The following NLGN1 variants were observed in gnomAD, a reference collection of about 807,000 sequenced individuals.
NLGN1 encodes the protein neuroligin 1.
In NLGN1, 12 loss-of-function variants were observed where a neutral mutation model predicts 65.5. The ratio of observed to expected loss-of-function variants is 0.18; its 90% CI spans 0.12 to 0.30. NLGN1 has a LOEUF of 0.30. NLGN1 is among the 10% of genes least tolerant of loss of function. The pLI is 1.00. For synonymous variants in NLGN1, 350 were observed against 359.5 expected, an observed-to-expected ratio of 0.97 and a Z score of 0.30; for missense variants, 750 against 1,007.1, an observed-to-expected ratio of 0.74 and a Z score of 3.46.
At chr3:174,093,525 C>A (rs1044159286) in intron 4 of NLGN1, among the ~76,000 whole-genome samples, 2 of 152,140 alleles carry the variant, frequency 1.3e-5, no homozygotes, top group African/African-American at 4.8e-5. Context: ...CTCTCTGAAG[C>A]AAACTGATTA....
chr3:174,202,372 T>C (rs969127630), intron 4 of NLGN1, among the ~76,000 whole-genome samples: 2 of 152,082 alleles, frequency 1.3e-5, no homozygotes, highest in African/African-American at 4.8e-5. Flanking sequence ...TGGCACACAA[T>C]GGCCTTTCTG....
chr3:173,829,026 G>A (rs1481187666), intron 4 of NLGN1, among the ~76,000 whole-genome samples: 3 of 152,028 alleles, frequency 2.0e-5, no homozygotes, highest in Non-Finnish European at 4.4e-5. Context: ...TTTCTGTATT[G>A]AGAACAGTTT....
intron 4 of NLGN1, among the ~76,000 whole-genome samples, chr3:173,944,126 TGTGTGTGTGTGTG>T (rs1746711132): frequency 8.0e-6 from 1 of 124,476 alleles, no homozygotes; most frequent in African/African-American, 2.6e-5. Flanking sequence ...ATATTATGGG[TGTGTGTGTGTGTG>T]TGTGTGTGTG....
intron 4 of NLGN1, among the ~76,000 whole-genome samples, chr3:174,027,199 A>G (rs184818022): frequency 5.3e-5 from 8 of 152,282 alleles, no homozygotes; most frequent in Non-Finnish European, 5.9e-5. Context: ...GAATTCCTAA[A>G]AATGTTCTTT....
intron 2 of NLGN1, among the ~76,000 whole-genome samples, chr3:173,519,563 GCTTT>G (rs2149129532): frequency 6.6e-6 from 1 of 152,346 alleles, no homozygotes; most frequent in South Asian, 2.1e-4. Flanking sequence ...TTATTTTGGA[GCTTT>G]CTATTTAATA....
chr3:173,614,605 T>C (rs571488067), intron 3 of NLGN1, among the ~76,000 whole-genome samples: 1 of 152,176 alleles, frequency 6.6e-6, no homozygotes, highest in East Asian at 1.9e-4. Flanking sequence ...CACAGTAATT[T>C]ACAAGGAGGC....
intron 1 of NLGN1, among the ~76,000 whole-genome samples, chr3:173,409,104 A>C (rs1273547682): frequency 6.6e-6 from 1 of 152,034 alleles, no homozygotes; most frequent in Non-Finnish European, 1.5e-5. Context: ...GAAAAACAAG[A>C]GTATGGGTGG....
intron 4 of NLGN1, among the ~76,000 whole-genome samples, chr3:174,099,597 A>G (rs752788120): frequency 1.3e-5 from 2 of 152,210 alleles, no homozygotes; most frequent in Non-Finnish European, 2.9e-5. Context: ...CTGAGTAAAC[A>G]CTTATAGAAA....
intron 2 of NLGN1, among the ~76,000 whole-genome samples, chr3:173,573,175 T>G (rs558441198): frequency 6.6e-6 from 1 of 152,354 alleles, no homozygotes; most frequent in South Asian, 2.1e-4. Context: ...TAAACTTGGA[T>G]GTAATCTCAG....
chr3:174,202,484 A>G (rs1199610562), intron 4 of NLGN1, among the ~76,000 whole-genome samples: 1 of 152,068 alleles, frequency 6.6e-6, no homozygotes. Context: ...CCTGAAAAAT[A>G]GTTTTGAAAC....
chr3:174,018,853 G>A (rs1187252743), intron 4 of NLGN1, among the ~76,000 whole-genome samples: 3 of 151,958 alleles, frequency 2.0e-5, no homozygotes, highest in Non-Finnish European at 4.4e-5. Flanking sequence ...TGTGAATTAT[G>A]TGTGTGTGTG....
chr3:173,926,260 G>T (rs1742988608), intron 4 of NLGN1, among the ~76,000 whole-genome samples: 1 of 151,824 alleles, frequency 6.6e-6, no homozygotes, highest in African/African-American at 2.4e-5. Flanking sequence ...ACTATTAAAA[G>T]AACTATCTCT....
chr3:173,605,596 A>G lies in NLGN1; in HGVS notation c.493+505A>G. 6 of 1,276,230 alleles carry G rather than the reference A, an allele frequency of 4.7e-6. No individual in the cohort carries two copies. The highest frequency in any genetic ancestry group is 6.1e-6 in the Non-Finnish European group (6 of 976,628). The allele number at this position is 1,276,230 out of a possible 1,614,324, so 79.1% of individuals were successfully genotyped here. ...CAAGAAAATATGTAGAAAAGGAGGTATGTATAAAAGTGGAAATTAAAAATG... is the reference window on the plus strand; with the variant it reads ...CAAGAAAATATGTAGAAAAGGAGGTGTGTATAAAAGTGGAAATTAAAAATG... On this transcript the variant is annotated intron_variant, in intron 3 of 6. Coordinates refer to ENST00000457714, the Ensembl canonical transcript of NLGN1.
chr3:174,020,174 T>C lies in NLGN1; in HGVS notation c.646+212342T>C, dbSNP rs534511271. Among the ~76,000 whole-genome samples, 12 of 152,246 alleles carry C rather than the reference T, an allele frequency of 7.9e-5. No homozygotes were observed. In the South Asian group the frequency reaches 2.5e-3, roughly 32 times the overall value. ...ATTTACCCAAATTACAGAACCATCA[T>C]GTGTAATTTGTCTCAATTAGTAATT... On this transcript the variant is annotated intron_variant, in intron 4 of 6. Coordinates refer to ENST00000457714, the Ensembl canonical transcript of NLGN1.
At chr3:173,553,337 T>C (rs974339537) in intron 2 of NLGN1, among the ~76,000 whole-genome samples, 2 of 152,178 alleles carry the variant, frequency 1.3e-5, no homozygotes, top group Non-Finnish European at 2.9e-5. Flanking sequence ...TGAAGGGTTG[T>C]CCACTAGAAT....
chr3:173,981,658 A>G (rs747635684), intron 4 of NLGN1, among the ~76,000 whole-genome samples: 6 of 152,010 alleles, frequency 3.9e-5, no homozygotes, highest in Admixed American at 6.6e-5. Flanking sequence ...TTGTATTTTT[A>G]TATTTGTATA....
At chr3:173,808,246 T>C (rs1229076339) in intron 4 of NLGN1, among the ~76,000 whole-genome samples, 1 of 152,154 alleles carries the variant, frequency 6.6e-6, no homozygotes. Context: ...GGAATGATTG[T>C]TTGCCATTGT....
rs71162367 is a variant in NLGN1, at chr3:173,852,355, C to CAAAAAAAA, written c.646+44549_646+44556dup. Among the ~76,000 whole-genome samples the CAAAAAAAA allele has an allele frequency of 3.9e-4, 18 of 46,660 alleles. 1 individual carries two copies. Among genetic ancestry groups the CAAAAAAAA allele is most frequent in the Admixed American group, 9.2e-4 (2 of 2,170 alleles). The allele number at this position is 46,660 out of a possible 152,430, so 30.6% of individuals were successfully genotyped here. ...TGGGCAACAGAGCGAGACTCCGTCT[C>CAAAAAAAA]AAAAAAAAAAAAAAAAAAAAAAAAA... On this transcript the variant is annotated intron_variant, in intron 4 of 6. Coordinates refer to ENST00000457714, the Ensembl canonical transcript of NLGN1.
intron 4 of NLGN1, among the ~76,000 whole-genome samples, chr3:174,073,386 CG>C (rs1191051903): frequency 2.0e-5 from 3 of 151,522 alleles, no homozygotes; most frequent in East Asian, 3.9e-4. Context: ...AGAATTTTGG[CG>C]GGGGGGCACT....
Sources: gnomAD v4.1 joint callset for allele counts (sites outside exome capture counted in the v4.1 genomes callset) on GRCh38, gnomAD v4.1.1 for gene constraint, MANE v1.5 for transcripts, NCBI Gene and HGNC (gene_info 2026-07-23, HGNC 2026-07-21) for gene names.